The following ARID1A variants were observed in gnomAD, a reference collection of about 807,000 sequenced individuals.
ARID1A encodes AT-rich interaction domain 1A.
A neutral mutation model predicts 212.6 loss-of-function variants in ARID1A; 20 were observed. The observed-to-expected ratio is 0.09, with a 90% CI of 0.07 to 0.14. ARID1A has a LOEUF of 0.14. ARID1A is among the 10% of genes least tolerant of loss of function. The pLI, the probability that ARID1A is intolerant of heterozygous loss-of-function variation, is 1.00. For synonymous variants in ARID1A, 1,376 were observed against 1,222.1 expected, an observed-to-expected ratio of 1.13 and a Z score of -2.63; for missense variants, 2,587 against 3,059.0, an observed-to-expected ratio of 0.85 and a Z score of 3.64.
intron 18 of ARID1A, 84 bp from the exon 19 acceptor site, chr1:26,775,493 A>C (rs1189145881): frequency 2.6e-6 from 4 of 1,567,094 alleles, no homozygotes; most frequent in Non-Finnish European, 3.5e-6. Context: ...TTATCTTCAG[A>C]GTAGCTTCAC....
intron 11 of ARID1A, among the ~76,000 whole-genome samples, chr1:26,768,397 C>G (rs976053621): frequency 3.9e-5 from 6 of 152,240 alleles, no homozygotes; most frequent in African/African-American, 1.4e-4. Flanking sequence ...CACTCTGAAC[C>G]TTAATTTCAT....
chr1:26,746,487 A>G (rs2080836256), intron 4 of ARID1A, among the ~76,000 whole-genome samples: 1 of 152,240 alleles, frequency 6.6e-6, no homozygotes, highest in African/African-American at 2.4e-5. Flanking sequence ...AAATGAGCCA[A>G]GTCCACCCAG....
At chr1:26,768,955 G>A (rs980241441) in intron 11 of ARID1A, among the ~76,000 whole-genome samples, 1 of 152,186 alleles carries the variant, frequency 6.6e-6, no homozygotes, top group Non-Finnish European at 1.5e-5. Flanking sequence ...AAAAGAAAGT[G>A]GTTGGAATGA....
intron 1 of ARID1A, among the ~76,000 whole-genome samples, chr1:26,711,402 C>T (rs901766725): frequency 2.0e-5 from 3 of 152,102 alleles, no homozygotes; most frequent in South Asian, 2.1e-4. Flanking sequence ...GGATTACAGA[C>T]GTGAGCCAGC....
intron 1 of ARID1A, among the ~76,000 whole-genome samples, chr1:26,706,338 T>A (rs537036463): frequency 6.6e-5 from 10 of 152,242 alleles, no homozygotes; most frequent in Non-Finnish European, 1.5e-4. Context: ...CGTTTTCAGC[T>A]TGCTTGTTTA....
rs1043397333 is a variant in ARID1A, at chr1:26,696,859, A to C, written c.456A>C (p.Gln152His). ...CGCCCCCAGCCTACGGCTTCGGGCA[A>C]CCCTACGGCCGGAGCCCGTCTGCCG... is the stretch of plus-strand genomic sequence containing the variant. ...ALPPPAYGFGQPYGRSPSAVA... is the reference protein window; with the variant it reads ...ALPPPAYGFGHPYGRSPSAVA... Residue 152 changes from glutamine (Q) to histidine (H), a missense_variant, in exon 1 of 20, where the codon CAA becomes CAC. Around this residue, in one of 11 missense-constraint regions of ARID1A, gnomAD observed 735 missense variants for 590.6 expected, o/e 1.24. Coordinates refer to ENST00000324856, the MANE Select transcript of ARID1A (RefSeq NM_006015.6). The C allele has an allele frequency of 3.0e-6, 4 of 1,340,294 alleles. No homozygotes were observed. The highest frequency in any genetic ancestry group is 3.8e-6 in the Non-Finnish European group (4 of 1,047,254). 83.0% of individuals were successfully genotyped at this position (1,340,294 alleles called of 1,614,324 possible). A position where few individuals can be genotyped will look rare whatever the true frequency, so the allele number is the denominator to read the frequency against.
intron 4 of ARID1A, among the ~76,000 whole-genome samples, 193 bp from the exon 5 acceptor site, chr1:26,760,663 G>A (rs2080982711): frequency 6.6e-6 from 1 of 151,928 alleles, no homozygotes; most frequent in Non-Finnish European, 1.5e-5. Flanking sequence ...ACTCCAGCCT[G>A]GGCAACGAGT....
At chr1:26,746,834 C>A (rs1308756463) in intron 4 of ARID1A, among the ~76,000 whole-genome samples, 2 of 152,154 alleles carry the variant, frequency 1.3e-5, no homozygotes, top group Non-Finnish European at 2.9e-5. Context: ...GTCAGGAGTT[C>A]AAGGCTGGCC....
chr1:26,705,062 C>T (rs187580399), intron 1 of ARID1A, among the ~76,000 whole-genome samples: 2 of 152,064 alleles, frequency 1.3e-5, no homozygotes, highest in East Asian at 1.9e-4. Context: ...AGATGCATGG[C>T]ATGTCCAGTG....
At chr1:26,741,816 A>G (rs1416848869) in intron 4 of ARID1A, among the ~76,000 whole-genome samples, 2 of 152,122 alleles carry the variant, frequency 1.3e-5, no homozygotes, top group East Asian at 1.9e-4. Flanking sequence ...CATCTTAGCT[A>G]TTACCCTTCG....
chr1:26,705,143 C>CT (rs879406708), intron 1 of ARID1A, among the ~76,000 whole-genome samples: 2,686 of 144,102 alleles, frequency 0.019, 30 homozygotes, highest in Non-Finnish European at 0.027. Context: ...TACTGCAGAC[C>CT]TTTTTTTTTT....
chr1:26,735,037 G>A (rs2080715823), intron 4 of ARID1A, among the ~76,000 whole-genome samples: 1 of 151,942 alleles, frequency 6.6e-6, no homozygotes, highest in Non-Finnish European at 1.5e-5. Flanking sequence ...AGCCATTTGG[G>A]TGCTATTATC....
At position 26,763,271 on chromosome 1, in the gene ARID1A, C is replaced by G. The variant is rs201864573; in HGVS notation, c.2718C>G (p.Asn906Lys). ...ETAVAMHVAA[N>K]SIQNRPPGYP... Reference sequence around the variant, plus strand: ...CTGTCGCCATGCATGTTGCTGCCAACTCTATCCAAAACAGGTAAGGCCTGG... The same window carrying G: ...CTGTCGCCATGCATGTTGCTGCCAAGTCTATCCAAAACAGGTAAGGCCTGG... Residue 906 changes from asparagine to lysine, a missense_variant, in exon 8 of 20, where the codon AAC becomes AAG. Transcript: ENST00000324856. 1.1e-4 allele frequency: 178 copies of G among 1,606,490 alleles called. 1 individual carries two copies. The highest frequency in any genetic ancestry group is 1.4e-4 in the Non-Finnish European group (166 of 1,174,826).
Position 26,774,951 on chromosome 1 carries a change from C to T in ARID1A, c.4724C>T (p.Pro1575Leu), listed in dbSNP as rs765193345. The stretch of plus-strand genomic sequence containing the variant: ...CCCCCTCCATCTAACTACCAGCCCC[C>T]ACCAAGCATGCAGAATCACATTCCT... Reference protein sequence around the residue: ...TRPPPSNYQPPPSMQNHIPQV... With the variant: ...TRPPPSNYQPLPSMQNHIPQV... Residue 1575 changes from proline (P) to leucine (L), a missense_variant, in exon 18 of 20, where the codon CCA becomes CTA. Transcript: ENST00000324856. This position sits in a 1 kb window ranked among gnomAD's most constrained non-coding sequence, Gnocchi z 5.6. The T allele has an allele frequency of 6.7e-7, 1 of 1,502,014 alleles. No homozygotes were observed. The allele number at this position is 1,502,014 out of a possible 1,614,324, so 93.0% of individuals were successfully genotyped here.
chr1:26,774,773 T>C lies in ARID1A; in HGVS notation c.4546T>C (p.Ser1516Pro), dbSNP rs751377877. The C allele has an allele frequency of 6.2e-7, 1 of 1,614,246 alleles. No individual in the cohort carries two copies. Among genetic ancestry groups the C allele is most frequent in the Non-Finnish European group, 8.5e-7 (1 of 1,180,044 alleles). ...YNYANRQSTG[S>P]APQGPAYHGV... The stretch of plus-strand genomic sequence containing the variant: ...TTATGCCAACAGGCAGAGCACGGGC[T>C]CTGCCCCCCAGGGCCCCGCCTATCA... The change falls in exon 18 of 20, where the codon TCT (serine) becomes CCT (proline). Residue 1516 changes from serine (S) to proline (P), a missense_variant. Around this residue, in one of 11 missense-constraint regions of ARID1A, gnomAD observed 890 missense variants for 1,098.2 expected, o/e 0.81. Coordinates refer to ENST00000324856, the MANE Select transcript of ARID1A (RefSeq NM_006015.6). The surrounding 1 kb of genome is among the most constrained non-coding windows in gnomAD (Gnocchi z 5.6).
chr1:26,756,946 C>G (rs929878593), intron 4 of ARID1A, among the ~76,000 whole-genome samples: 1 of 152,148 alleles, frequency 6.6e-6, no homozygotes, highest in Non-Finnish European at 1.5e-5. Flanking sequence ...TTGTGATCCG[C>G]CCGCCTCAGC....
intron 1 of ARID1A, among the ~76,000 whole-genome samples, chr1:26,705,016 C>G (rs1272949419): frequency 6.6e-6 from 1 of 152,188 alleles, no homozygotes; most frequent in African/African-American, 2.4e-5. Flanking sequence ...TGGCACTTCA[C>G]CGGTCAAGGA....
chr1:26,780,032 A>C lies in ARID1A; in HGVS notation c.6134A>C (p.Lys2045Thr). 6.2e-7 allele frequency: 1 copy of C among 1,614,108 alleles called. No individual in the cohort carries two copies. The highest frequency in any genetic ancestry group is 8.5e-7 in the Non-Finnish European group (1 of 1,180,018). The change falls in exon 20 of 20, where the codon AAA becomes ACA. Residue 2045 changes from lysine to threonine, a missense_variant. Physicochemically the swap from Lys to Thr is moderately conservative, Grantham distance 78 (BLOSUM62 -1). This residue lies in a region of ARID1A where 168 missense variants were observed against 321.0 expected (regional missense o/e 0.52). Coordinates refer to ENST00000324856, the MANE Select transcript of ARID1A (RefSeq NM_006015.6). This position sits in a 1 kb window ranked among gnomAD's most constrained non-coding sequence, Gnocchi z 7.2. The stretch of plus-strand genomic sequence containing the variant: ...CAGGACCAAGGGGTGAGCTGCAACA[A>C]AGTGGAGTGGTGGTGGGACTGCTTG... ...EEQDQGVSCNKVEWWWDCLEM... is the reference protein window; with the variant it reads ...EEQDQGVSCNTVEWWWDCLEM...
chr1:26,758,781 A>G (rs1017381968), intron 4 of ARID1A, among the ~76,000 whole-genome samples: 1 of 152,154 alleles, frequency 6.6e-6, no homozygotes, highest in Non-Finnish European at 1.5e-5. Flanking sequence ...TCTATGCTGG[A>G]ACGAATTCTC....
Sources: allele counts gnomAD v4.1 joint callset (sites outside exome capture counted in the v4.1 genomes callset), GRCh38; gene constraint gnomAD v4.1.1; regional missense constraint gnomAD v4.1.1; non-coding constraint Gnocchi (gnomAD v3.1); transcripts MANE v1.5; gene names NCBI Gene and HGNC (gene_info 2026-07-23, HGNC 2026-07-21).